IRX1: variants seen among roughly 807,000 people sequenced by gnomAD.
IRX1 encodes the protein iroquois-class homeodomain protein IRX-1.
A neutral mutation model predicts 34.1 loss-of-function variants in IRX1; 22 were observed. The ratio of observed to expected loss-of-function variants is 0.64; its 90% CI spans 0.46 to 0.92. IRX1 has a LOEUF of 0.92. Ranked by LOEUF, IRX1 falls within the 40% of genes least tolerant of loss-of-function variation. The probability of loss-of-function intolerance (pLI) is 0.00; values close to 1 mark genes in which losing one functional copy is unlikely to be tolerated. For synonymous variants in IRX1, 363 were observed against 319.0 expected (o/e 1.14, Z -1.47); for missense variants, 758 against 680.0 (o/e 1.11, Z -1.28).
intron 1 of IRX1, among the ~76,000 whole-genome samples, chr5:3,597,382 C>T (rs1272461661): frequency 6.6e-6 from 1 of 152,124 alleles, no homozygotes; most frequent in Non-Finnish European, 1.5e-5. Context: ...TCGCTGCCCG[C>T]GGGATAAAGC....
chr5:3,600,107 A>C lies in IRX1; in HGVS notation c.1159A>C (p.Asn387His). Residue 387 changes from asparagine to histidine, a missense_variant, in exon 2 of 4, where the codon AAC becomes CAC. Around this residue, in one of 3 missense-constraint regions of IRX1, gnomAD observed 529 missense variants for 418.8 expected, o/e 1.26. Coordinates refer to ENST00000302006, the MANE Select transcript of IRX1 (RefSeq NM_024337.4). ...ATTCCTCGCACAGGGCTCCCTGCTCAACATGCGCTCCTTCCTGGGCGTTGG... is the reference window on the plus strand; with the variant it reads ...ATTCCTCGCACAGGGCTCCCTGCTCCACATGCGCTCCTTCCTGGGCGTTGG... ...SAFLAQGSLLNMRSFLGVGAP... is the reference protein window; with the variant it reads ...SAFLAQGSLLHMRSFLGVGAP... 6.2e-7 allele frequency: 1 copy of C among 1,613,352 alleles called. No individual in the cohort carries two copies.
chr5:3,597,082 A>G lies in IRX1; in HGVS notation c.276+701A>G, dbSNP rs769625858. ...TGTAAGTTGCCCAAGTTTTCATTTC[A>G]TTTGCACAGAAAGAAAAGCACTTTT... On this transcript the variant is annotated intron_variant, in intron 1 of 3. Coordinates refer to ENST00000302006, the MANE Select transcript of IRX1 (RefSeq NM_024337.4). Among the ~76,000 whole-genome samples, 32 of 152,174 alleles carry G rather than the reference A, an allele frequency of 2.1e-4. 1 individual carries two copies. Among genetic ancestry groups the G allele is most frequent in the Non-Finnish European group, 4.3e-4 (29 of 68,030 alleles).
Position 3,599,420 on chromosome 5 carries a change from G to A in IRX1, c.472G>A (p.Gly158Ser), listed in dbSNP as rs769109884. ...CCGCAAGAATCCCTACCCCACCAAG[G>A]GCGAGAAGATCATGCTGGCCATCAT... ...EHRKNPYPTK[G>S]EKIMLAIITK... is the part of the protein sequence containing the mutation. The change falls in exon 2 of 4, where the codon GGC (glycine) becomes AGC (serine). Residue 158 changes from glycine to serine, a missense_variant. Transcript: ENST00000302006. The surrounding 1 kb of genome is among the most constrained non-coding windows in gnomAD (Gnocchi z 6.6). 1.4e-5 allele frequency: 22 copies of A among 1,614,038 alleles called. No homozygotes were observed. Among genetic ancestry groups the A allele is most frequent in the Non-Finnish European group, 1.9e-5 (22 of 1,180,032 alleles).
In IRX1 at chr5:3,601,030, C is replaced by A. The variant is rs763998758; in HGVS notation, c.1433C>A (p.Pro478Gln). ...ACGCCGCGGATCCTAGCAGCCCTCC[C>A]GTCCGCCTGATTAAGGGTCTTCTTT... ...EGTPRILAAL[P>Q]SA Residue 478 changes from proline (P) to glutamine (Q), a missense_variant, in exon 4 of 4, where the codon CCG becomes CAG. By Grantham distance (76) the Pro-to-Gln change is moderately conservative (BLOSUM62 -1). Transcript: ENST00000302006. 4 of 1,584,756 alleles carry A rather than the reference C, an allele frequency of 2.5e-6. No homozygotes were observed. The highest frequency in any genetic ancestry group is 1.7e-5 in the Admixed American group (1 of 58,432).
At chr5:3,596,895 C>G (rs887573936) in intron 1 of IRX1, among the ~76,000 whole-genome samples, 1 of 152,158 alleles carries the variant, frequency 6.6e-6, no homozygotes, top group Admixed American at 6.5e-5. Flanking sequence ...GTTTGCCAGA[C>G]AGACCCCTTC....
At chr5:3,600,880 G>C in intron 3 of IRX1, 103 bp from the exon 4 acceptor site, 1 of 1,326,188 alleles carries the variant, frequency 7.5e-7, no homozygotes, top group South Asian at 1.2e-5. Flanking sequence ...GCTGGCTGTC[G>C]ACCCCGCCCC....
At position 3,596,324 on chromosome 5, in the gene IRX1, G is replaced by T. The variant is rs908629412; in HGVS notation, c.219G>T (p.Ala73=). ...CGGCGGCGGGGCCGTACGCGGGCGC[G>T]CCCAACTACAGCGCCTTCCTGCCCT... ...MYAAAGPYAG[A]PNYSAFLPYA... is the part of the protein sequence containing the mutation. The change falls in exon 1 of 4, where the codon GCG becomes GCT. Residue 73 remains alanine, a synonymous_variant. Transcript: ENST00000302006. 3.3e-6 allele frequency: 5 copies of T among 1,509,112 alleles called. No homozygotes were observed. In the African/African-American group the frequency reaches 4.3e-5, roughly 13 times the overall value. The allele number at this position is 1,509,112 out of a possible 1,614,324, so 93.5% of individuals were successfully genotyped here. A position where few individuals can be genotyped will look rare whatever the true frequency, so the allele number is the denominator to read the frequency against.
chr5:3,600,333 G>T, intron 2 of IRX1, 73 bp downstream of exon 2: 1 of 1,373,488 alleles, frequency 7.3e-7, no homozygotes. Context: ...GGTAGCGTGG[G>T]GTGCAGCATG....
chr5:3,596,039 C>A lies in IRX1; in HGVS notation c.-67C>A. The stretch of plus-strand genomic sequence containing the variant: ...CGGCGCCCCCTGCAACCCCCTCCGG[C>A]CGGCCTCCGCCTCCCTCCCCGCGCC... On this transcript the variant is annotated 5_prime_UTR_variant, in exon 1 of 4. Transcript: ENST00000302006. 1 of 994,314 alleles carries A rather than the reference C, an allele frequency of 1.0e-6. No homozygotes were observed. The highest frequency in any genetic ancestry group is 5.4e-5 in the Admixed American group (1 of 18,398). The allele number at this position is 994,314 out of a possible 1,614,324, so 61.6% of individuals were successfully genotyped here. A position where few individuals can be genotyped will look rare whatever the true frequency, so the allele number is the denominator to read the frequency against.
rs1743688034 is a variant in IRX1 at position 3,596,212 on chromosome 5, C to T, written c.107C>T (p.Ala36Val). Residue 36 changes from alanine to valine, a missense_variant, in exon 1 of 4, where the codon GCC (alanine) becomes GTC (valine). Ala to Val is a moderately conservative substitution (Grantham distance 64). This residue lies in a region of IRX1 where 195 missense variants were observed against 195.0 expected (regional missense o/e 1.00). Coordinates refer to ENST00000302006, the MANE Select transcript of IRX1 (RefSeq NM_024337.4). ...GVLAAAAAAA[A>V]AASSGRPGAA... Reference sequence around the variant, plus strand: ...CTGGCCGCGGCCGCTGCGGCGGCTGCCGCCGCCTCGTCGGGCCGACCGGGG... The same window carrying T: ...CTGGCCGCGGCCGCTGCGGCGGCTGTCGCCGCCTCGTCGGGCCGACCGGGG... The T allele has an allele frequency of 9.3e-7, 1 of 1,078,976 alleles. No individual in the cohort carries two copies. The allele number at this position is 1,078,976 out of a possible 1,614,324, so 66.8% of individuals were successfully genotyped here.
At chr5:3,596,788 C>A (rs1015523431) in intron 1 of IRX1, among the ~76,000 whole-genome samples, 1 of 152,142 alleles carries the variant, frequency 6.6e-6, no homozygotes, top group African/African-American at 2.4e-5. Context: ...CCCTTCCTGG[C>A]CGCGGGTTCC....
In IRX1 at chr5:3,600,092, C is replaced by G. The variant is rs1347783655; in HGVS notation, c.1144C>G (p.Gln382Glu). ...SNWTNSAFLAQGSLLNMRSFL... is the reference protein window; with the variant it reads ...SNWTNSAFLAEGSLLNMRSFL... ...CTGGACCAACAGCGCATTCCTCGCA[C>G]AGGGCTCCCTGCTCAACATGCGCTC... Residue 382 changes from glutamine (Q) to glutamate (E), a missense_variant, in exon 2 of 4, where the codon CAG becomes GAG. Gln to Glu is a conservative substitution (Grantham distance 29). This residue lies in a region of IRX1 where 529 missense variants were observed against 418.8 expected (regional missense o/e 1.26). Coordinates refer to ENST00000302006, the MANE Select transcript of IRX1 (RefSeq NM_024337.4). The G allele has an allele frequency of 6.2e-7, 1 of 1,613,150 alleles. No homozygotes were observed. The highest frequency in any genetic ancestry group is 1.7e-5 in the Admixed American group (1 of 59,996).
chr5:3,599,119 T>C lies in IRX1; in HGVS notation c.277-106T>C, dbSNP rs1733872031. On this transcript the variant is annotated intron_variant, in intron 1 of 3. Transcript: ENST00000302006. The surrounding 1 kb of genome is among the most constrained non-coding windows in gnomAD (Gnocchi z 6.6). ...AGGCCCTCGAGTCCATTGAAGCGGC[T>C]GCTTCCCACTCTCCCGTCTTGGGGA... The C allele has an allele frequency of 4.1e-6, 5 of 1,212,174 alleles. No individual in the cohort carries two copies. The Admixed American group carries it at 1.3e-4, about 31-fold the overall frequency. 75.1% of individuals were successfully genotyped at this position (1,212,174 alleles called of 1,614,324 possible). A position where few individuals can be genotyped will look rare whatever the true frequency, so the allele number is the denominator to read the frequency against.
At position 3,599,884 on chromosome 5, in the gene IRX1, C is replaced by T; in HGVS notation, c.936C>T (p.Gly312=). 1 of 1,496,266 alleles carries T rather than the reference C, an allele frequency of 6.7e-7. No individual in the cohort carries two copies. Among genetic ancestry groups the T allele is most frequent in the Admixed American group, 2.5e-5 (1 of 40,716 alleles). The allele number at this position is 1,496,266 out of a possible 1,614,324, so 92.7% of individuals were successfully genotyped here. A position where few individuals can be genotyped will look rare whatever the true frequency, so the allele number is the denominator to read the frequency against. The change falls in exon 2 of 4, where the codon GGC becomes GGT. Residue 312 remains glycine, a synonymous_variant. Transcript: ENST00000302006. The surrounding 1 kb of genome is among the most constrained non-coding windows in gnomAD (Gnocchi z 6.6). ...GCGGCCTGCAGGGTGCGCCGCACGG[C>T]AAGCCCAAGATCTGGTCGCTGGCGG... ...AAGGLQGAPH[G]KPKIWSLAET...
At chr5:3,598,091 G>A (rs1272481951) in intron 1 of IRX1, among the ~76,000 whole-genome samples, 1 of 152,134 alleles carries the variant, frequency 6.6e-6, no homozygotes, top group Non-Finnish European at 1.5e-5. Context: ...CTCTCCCACT[G>A]GTTCTGAGAG....
chr5:3,598,890 G>C (rs2111297096), intron 1 of IRX1, among the ~76,000 whole-genome samples: 1 of 152,300 alleles, frequency 6.6e-6, no homozygotes, highest in South Asian at 2.1e-4. Flanking sequence ...TAGGGAACTT[G>C]CAGGGGCCGC....
In IRX1 at chr5:3,596,240, C is replaced by G. The variant is rs975357984; in HGVS notation, c.135C>G (p.Ala45=). Residue 45 remains alanine, a synonymous_variant, in exon 1 of 4, where the codon GCC becomes GCG. Coordinates refer to ENST00000302006, the MANE Select transcript of IRX1 (RefSeq NM_024337.4). ...CCGCCTCGTCGGGCCGACCGGGGGC[C>G]GCGGAGCTGGGCGGCGGGGCAGGCG... is the stretch of plus-strand genomic sequence containing the variant. ...AAAASSGRPG[A]AELGGGAGAA... is the part of the protein sequence containing the mutation. 2.5e-6 allele frequency: 3 copies of G among 1,176,672 alleles called. No homozygotes were observed. The African/African-American group carries it at 4.8e-5, about 19-fold the overall frequency. 72.9% of individuals were successfully genotyped at this position (1,176,672 alleles called of 1,614,324 possible).
At position 3,601,006 on chromosome 5, in the gene IRX1, C is replaced by G. The variant is rs369886565; in HGVS notation, c.1409C>G (p.Thr470Arg). The change falls in exon 4 of 4, where the codon ACG (threonine) becomes AGG (arginine). Residue 470 changes from threonine to arginine, a missense_variant. Physicochemically the swap from Thr to Arg is moderately conservative, Grantham distance 71 (BLOSUM62 -1). Around this residue, in one of 3 missense-constraint regions of IRX1, gnomAD observed 529 missense variants for 418.8 expected, o/e 1.26. Coordinates refer to ENST00000302006, the MANE Select transcript of IRX1 (RefSeq NM_024337.4). Reference protein sequence around the residue: ...RDNSLAPQEGTPRILAALPSA With the variant: ...RDNSLAPQEGRPRILAALPSA ...AGCTCTCTGGCCCCGCAGGAGGGAA[C>G]GCCGCGGATCCTAGCAGCCCTCCCG... 1.3e-5 allele frequency: 21 copies of G among 1,613,210 alleles called. No homozygotes were observed. The highest frequency in any genetic ancestry group is 1.8e-5 in the Non-Finnish European group (21 of 1,179,824).
chr5:3,596,352 G>C lies in IRX1; in HGVS notation c.247G>C (p.Ala83Pro). 6.5e-7 allele frequency: 1 copy of C among 1,538,892 alleles called. No individual in the cohort carries two copies. The highest frequency in any genetic ancestry group is 8.7e-7 in the Non-Finnish European group (1 of 1,147,344). ...CAACTACAGCGCCTTCCTGCCCTAC[G>C]CCGCGGATCTCAGCCTCTTCTCGCA... ...APNYSAFLPY[A>P]ADLSLFSQMG... Residue 83 changes from alanine to proline, a missense_variant, in exon 1 of 4, where the codon GCC (alanine) becomes CCC (proline). Physicochemically the swap from Ala to Pro is conservative, Grantham distance 27. This residue lies in a region of IRX1 where 195 missense variants were observed against 195.0 expected (regional missense o/e 1.00). Coordinates refer to ENST00000302006, the MANE Select transcript of IRX1 (RefSeq NM_024337.4).
Sources: allele counts gnomAD v4.1 joint callset (sites outside exome capture counted in the v4.1 genomes callset), GRCh38; gene constraint gnomAD v4.1.1; regional missense constraint gnomAD v4.1.1; non-coding constraint Gnocchi (gnomAD v3.1); transcripts MANE v1.5; gene names NCBI Gene and HGNC (gene_info 2026-07-23, HGNC 2026-07-21).